ZFAND3: variants seen among roughly 807,000 people sequenced by gnomAD.
The protein encoded by ZFAND3 is zinc finger AN1-type containing 3.
In ZFAND3, 10 loss-of-function variants were observed where a neutral mutation model predicts 29.6. The ratio of observed to expected loss-of-function variants is 0.34; its 90% CI spans 0.21 to 0.57. The LOEUF is 0.57. Ranked by LOEUF, ZFAND3 falls within the 20% of genes least tolerant of loss-of-function variation. ZFAND3 has a pLI of 0.86. For synonymous variants in ZFAND3, 128 were observed against 112.6 expected (o/e 1.14, Z -0.87); for missense variants, 230 against 304.5 (o/e 0.76, Z 1.82).
intron 2 of ZFAND3, among the ~76,000 whole-genome samples, chr6:37,965,072 C>G (rs1762266014): frequency 6.6e-6 from 1 of 152,104 alleles, no homozygotes; most frequent in Non-Finnish European, 1.5e-5. Flanking sequence ...CTTCCCTCAA[C>G]CTATGACAAT....
rs1764726716 is a variant in ZFAND3 at position 37,873,161 on chromosome 6, C to T, written c.71+53145C>T. The stretch of plus-strand genomic sequence containing the variant: ...TGGCGGGTGCCTGTAGTACCAGCTA[C>T]TTGGGAGGCTGAGGCAGGAGAATGG... On this transcript the variant is annotated intron_variant, in intron 1 of 5. Coordinates refer to ENST00000287218, the MANE Select transcript of ZFAND3 (RefSeq NM_021943.3). Among the ~76,000 whole-genome samples, 2 of 152,160 alleles carry T rather than the reference C, an allele frequency of 1.3e-5. 1 individual carries two copies. The highest frequency in any genetic ancestry group is 2.9e-5 in the Non-Finnish European group (2 of 68,022).
At chr6:37,982,736 G>A (rs1290988885) in intron 2 of ZFAND3, among the ~76,000 whole-genome samples, 1 of 152,164 alleles carries the variant, frequency 6.6e-6, no homozygotes, top group Non-Finnish European at 1.5e-5. Flanking sequence ...TTAGAGTATG[G>A]TATTTATTTT....
At chr6:38,147,377 A>G (rs1426619684) in intron 5 of ZFAND3, among the ~76,000 whole-genome samples, 3 of 152,184 alleles carry the variant, frequency 2.0e-5, no homozygotes, top group Non-Finnish European at 2.9e-5. Flanking sequence ...CATTTTATTT[A>G]TCCATTCATC....
chr6:37,914,654 C>A (rs1045095467), intron 1 of ZFAND3, among the ~76,000 whole-genome samples: 1 of 79,550 alleles, frequency 1.3e-5, no homozygotes, highest in Admixed American at 1.1e-4. Flanking sequence ...TTCTTTCTTT[C>A]TTTCTTTCTT....
chr6:38,063,535 A>G (rs1397605590), intron 3 of ZFAND3, among the ~76,000 whole-genome samples: 1 of 152,244 alleles, frequency 6.6e-6, no homozygotes, highest in Non-Finnish European at 1.5e-5. Context: ...TATGTATTAA[A>G]GACAGCAACT....
At chr6:38,031,628 CAA>C (rs1664822828) in intron 2 of ZFAND3, among the ~76,000 whole-genome samples, 1 of 152,136 alleles carries the variant, frequency 6.6e-6, no homozygotes, top group South Asian at 2.1e-4. Context: ...TGATTCTGAG[CAA>C]ATTTCTTAAC....
chr6:38,019,718 C>T lies in ZFAND3; in HGVS notation c.113-41875C>T, dbSNP rs150323572. Among the ~76,000 whole-genome samples, 1,202 of 152,174 alleles carry T rather than the reference C, an allele frequency of 7.9e-3. 8 individuals carry two copies. Among genetic ancestry groups the T allele is most frequent in the Non-Finnish European group, 0.013 (874 of 68,002 alleles). On this transcript the variant is annotated intron_variant, in intron 2 of 5. Coordinates refer to ENST00000287218, the MANE Select transcript of ZFAND3 (RefSeq NM_021943.3). ...CATCTTAAACATTAATATCAAAACA[C>T]CATTTTGTGTTTGTTTTTTGAGATG...
chr6:38,026,787 CAGAGAG>C (rs71907088), intron 2 of ZFAND3, among the ~76,000 whole-genome samples: 26 of 149,026 alleles, frequency 1.7e-4, no homozygotes, highest in East Asian at 7.9e-4. Flanking sequence ...TTTTAATAAC[CAGAGAG>C]AGAGAGAGAG....
At chr6:38,136,761 G>A (rs777597244) in intron 5 of ZFAND3, among the ~76,000 whole-genome samples, 2 of 152,198 alleles carry the variant, frequency 1.3e-5, no homozygotes, top group Non-Finnish European at 2.9e-5. Flanking sequence ...CACACACCCA[G>A]TGCTGTTCTT....
intron 1 of ZFAND3, among the ~76,000 whole-genome samples, chr6:37,824,526 C>G (rs760081028): frequency 3.5e-4 from 53 of 152,252 alleles, no homozygotes; most frequent in Non-Finnish European, 6.6e-4. Context: ...AATATAATTA[C>G]TATTGATATT....
chr6:38,033,169 T>C (rs902864582), intron 2 of ZFAND3, among the ~76,000 whole-genome samples: 1 of 152,126 alleles, frequency 6.6e-6, no homozygotes, highest in Admixed American at 6.5e-5. Context: ...TTTGAAATAA[T>C]TTATTTAGAC....
intron 2 of ZFAND3, among the ~76,000 whole-genome samples, chr6:37,957,947 C>T (rs1163018792): frequency 6.6e-6 from 1 of 151,908 alleles, no homozygotes; most frequent in Non-Finnish European, 1.5e-5. Context: ...ATATTTAATC[C>T]AAAAATCGTG....
intron 1 of ZFAND3, among the ~76,000 whole-genome samples, chr6:37,887,294 ATTG>A (rs1247664051): frequency 6.6e-6 from 1 of 152,196 alleles, no homozygotes; most frequent in Non-Finnish European, 1.5e-5. Context: ...AAATGCATTT[ATTG>A]TTCTTGGCAT....
Position 38,126,548 on chromosome 6 carries a change from C to T in ZFAND3, c.529+9809C>T, listed in dbSNP as rs985159376. Among the ~76,000 whole-genome samples, 18 of 152,138 alleles carry T rather than the reference C, an allele frequency of 1.2e-4. 1 individual carries two copies. The highest frequency in any genetic ancestry group is 4.1e-4 in the African/African-American group (17 of 41,422). On this transcript the variant is annotated intron_variant, in intron 5 of 5. Coordinates refer to ENST00000287218, the MANE Select transcript of ZFAND3 (RefSeq NM_021943.3). ...GGGTTCCAGTTTCTTCCTGTTCTCG[C>T]CAACATTTAATATTGTCAGTCTTTT...
intron 2 of ZFAND3, among the ~76,000 whole-genome samples, chr6:38,044,148 C>A (rs1374652655): frequency 6.6e-6 from 1 of 152,188 alleles, no homozygotes; most frequent in African/African-American, 2.4e-5. Flanking sequence ...AGTCTTTAAT[C>A]TGTTCTTCTG....
At chr6:37,965,554 G>A (rs1762278467) in intron 2 of ZFAND3, among the ~76,000 whole-genome samples, 1 of 128,768 alleles carries the variant, frequency 7.8e-6, no homozygotes, top group Non-Finnish European at 1.7e-5. Context: ...CTGCTTCCCA[G>A]GTGAGGGTTG....
intron 1 of ZFAND3, among the ~76,000 whole-genome samples, chr6:37,883,924 C>T (rs1251800818): frequency 6.9e-6 from 1 of 145,254 alleles, no homozygotes; most frequent in African/African-American, 2.8e-5. Context: ...TTCGCCAGGC[C>T]TGGGAACCTT....
At chr6:38,052,939 CAGG>C (rs1764055285) in intron 2 of ZFAND3, among the ~76,000 whole-genome samples, 1 of 150,682 alleles carries the variant, frequency 6.6e-6, no homozygotes, top group Non-Finnish European at 1.5e-5. Flanking sequence ...GTGGCCAAAG[CAGG>C]AGAATTGCTC....
chr6:37,922,345 T>C (rs1761397281), intron 1 of ZFAND3, among the ~76,000 whole-genome samples: 1 of 152,188 alleles, frequency 6.6e-6, no homozygotes, highest in African/African-American at 2.4e-5. Context: ...AGAGTGTGAC[T>C]ACATTATAGT....
Sources: gnomAD v4.1 joint callset for allele counts (sites outside exome capture counted in the v4.1 genomes callset) on GRCh38, gnomAD v4.1.1 for gene constraint, MANE v1.5 for transcripts, NCBI Gene and HGNC (gene_info 2026-07-23, HGNC 2026-07-21) for gene names.